RIMBP2: variants seen among roughly 807,000 people sequenced by gnomAD.
The protein encoded by RIMBP2 is RIMS-binding protein 2.
RIMBP2 carries 48 observed loss-of-function variants against 118.6 expected under a neutral mutation model. That is an observed-to-expected ratio of 0.40 (90% confidence interval 0.32 to 0.51). The LOEUF is 0.51. Ranked by LOEUF, RIMBP2 falls within the 20% of genes least tolerant of loss-of-function variation. The pLI is 0.41. For missense variants in RIMBP2, 1,551 were observed against 1,768.3 expected, an observed-to-expected ratio of 0.88 and a Z score of 2.20; for synonymous variants, 762 against 742.9, an observed-to-expected ratio of 1.03 and a Z score of -0.42.
At chr12:130,634,452 C>G (rs1244767984) in intron 1 of RIMBP2, among the ~76,000 whole-genome samples, 2 of 152,190 alleles carry the variant, frequency 1.3e-5, no homozygotes, top group Non-Finnish European at 2.9e-5. Context: ...CAATTAGCCT[C>G]AGGCAGGTTA....
chr12:130,476,019 T>C (rs1229317678), intron 5 of RIMBP2, among the ~76,000 whole-genome samples: 1 of 152,044 alleles, frequency 6.6e-6, no homozygotes, highest in Non-Finnish European at 1.5e-5. Context: ...CATGCATCTA[T>C]GTGAGGTCAT....
At chr12:130,499,549 C>T (rs1315523862) in intron 4 of RIMBP2, among the ~76,000 whole-genome samples, 3 of 152,032 alleles carry the variant, frequency 2.0e-5, no homozygotes, top group East Asian at 3.8e-4. Context: ...CCTCATCTGA[C>T]CTCATCTTCT....
At chr12:130,439,618 GGTGTGTGGGGGTGTCTGTGGGT>G (rs2077897105) in intron 11 of RIMBP2, among the ~76,000 whole-genome samples, 2 of 87,744 alleles carry the variant, frequency 2.3e-5, no homozygotes, top group Admixed American at 1.4e-4. Context: ...TGTGTATGTG[GGTGTGTGGGGGTGTCTGTGGGT>G]GTGTGTGGGG....
intron 4 of RIMBP2, among the ~76,000 whole-genome samples, chr12:130,483,821 C>T (rs1164352869): frequency 1.4e-5 from 2 of 144,580 alleles, no homozygotes; most frequent in East Asian, 2.1e-4. Context: ...ATACGGTGCC[C>T]GGAGCCCCGA....
chr12:130,456,351 T>C (rs1593367502), intron 7 of RIMBP2, 145 bp downstream of exon 7: 1 of 667,858 alleles, frequency 1.5e-6, no homozygotes, highest in Non-Finnish European at 2.5e-6. Context: ...TGAGCAGCCC[T>C]GTTCTCATCC....
intron 4 of RIMBP2, among the ~76,000 whole-genome samples, chr12:130,479,853 G>A (rs2081803491): frequency 6.6e-6 from 1 of 151,626 alleles, no homozygotes; most frequent in South Asian, 2.1e-4. Context: ...GAGGGGCGGT[G>A]CTTAATCCCC....
rs1007211525 is a variant in RIMBP2, at chr12:130,424,645, C to T, written c.2626G>A (p.Asp876Asn). Residue 876 changes from aspartate to asparagine, a missense_variant, in exon 16 of 23, where the codon GAC (aspartate) becomes AAC (asparagine). Coordinates refer to ENST00000690449, the MANE Select transcript of RIMBP2 (RefSeq NM_001393629.1). This position sits in a 1 kb window ranked among gnomAD's most constrained non-coding sequence, Gnocchi z 9.8. ...AACCAGGAGCCCCGAGGGGCCTCGT[C>T]GCCCCTGTAGGGCCTGCCGGGCCTG... ...EPRPGRPYRG[D>N]EAPRGSWFPV... The T allele has an allele frequency of 1.5e-5, 19 of 1,231,774 alleles. No individual in the cohort carries two copies. Among genetic ancestry groups the T allele is most frequent in the Middle Eastern group, 6.2e-4 (2 of 3,232 alleles). 76.3% of individuals were successfully genotyped at this position (1,231,774 alleles called of 1,614,324 possible). A position where few individuals can be genotyped will look rare whatever the true frequency, so the allele number is the denominator to read the frequency against.
chr12:130,644,419 C>G (rs2062757658), intron 1 of RIMBP2, among the ~76,000 whole-genome samples: 1 of 152,222 alleles, frequency 6.6e-6, no homozygotes, highest in African/African-American at 2.4e-5. Context: ...ATTTAAAATA[C>G]AATCGCACAT....
intron 2 of RIMBP2, among the ~76,000 whole-genome samples, chr12:130,544,762 G>C (rs963929054): frequency 6.6e-6 from 1 of 151,800 alleles, no homozygotes; most frequent in Non-Finnish European, 1.5e-5. Context: ...ACCACACCCC[G>C]CTATTTTTTT....
intron 4 of RIMBP2, among the ~76,000 whole-genome samples, chr12:130,504,169 C>A (rs1408799489): frequency 6.6e-6 from 1 of 152,208 alleles, no homozygotes; most frequent in Non-Finnish European, 1.5e-5. Context: ...AAAACTACAT[C>A]CCGTTCACAA....
At chr12:130,556,146 A>G (rs1475366037) in intron 2 of RIMBP2, among the ~76,000 whole-genome samples, 1 of 152,168 alleles carries the variant, frequency 6.6e-6, no homozygotes, top group South Asian at 2.1e-4. Context: ...CGTGTTTTCA[A>G]TGCAGAGTTT....
intron 1 of RIMBP2, among the ~76,000 whole-genome samples, chr12:130,657,385 A>C (rs928551207): frequency 6.6e-6 from 1 of 152,228 alleles, no homozygotes; most frequent in Non-Finnish European, 1.5e-5. Context: ...GCCAGGAAAT[A>C]AAGCAGAGAT....
chr12:130,464,164 G>T (rs984942335), intron 6 of RIMBP2, among the ~76,000 whole-genome samples: 1 of 152,084 alleles, frequency 6.6e-6, no homozygotes, highest in African/African-American at 2.4e-5. Flanking sequence ...CTGCTGCTCT[G>T]CCTATGGAGT....
chr12:130,602,970 T>C (rs900441689), intron 2 of RIMBP2, among the ~76,000 whole-genome samples: 4 of 151,848 alleles, frequency 2.6e-5, no homozygotes, highest in Non-Finnish European at 5.9e-5. Flanking sequence ...AGAGATGAGG[T>C]TTTCAGTTGC....
chr12:130,644,321 T>G (rs67926768), intron 1 of RIMBP2, among the ~76,000 whole-genome samples: 1 of 152,136 alleles, frequency 6.6e-6, no homozygotes, highest in African/African-American at 2.4e-5. Flanking sequence ...TTAGCTTTCA[T>G]GAGCTGCTCA....
chr12:130,647,488 C>G (rs1338813125), intron 1 of RIMBP2, among the ~76,000 whole-genome samples: 1 of 113,774 alleles, frequency 8.8e-6, no homozygotes, highest in Admixed American at 8.9e-5. Flanking sequence ...GGTTGTTTTT[C>G]AGAAACCCAG....
At chr12:130,495,091 C>G (rs2049018963) in intron 4 of RIMBP2, among the ~76,000 whole-genome samples, 1 of 152,232 alleles carries the variant, frequency 6.6e-6, no homozygotes, top group South Asian at 2.1e-4. Context: ...AGGGCCTGCC[C>G]TACTCCAAGA....
intron 2 of RIMBP2, among the ~76,000 whole-genome samples, chr12:130,586,828 G>C (rs1426898015): frequency 2.1e-5 from 2 of 97,190 alleles, no homozygotes; most frequent in African/African-American, 8.1e-5. Context: ...ATTGACAAAT[G>C]GGATCTAATT....
chr12:130,502,135 C>T (rs1220486890), intron 4 of RIMBP2, among the ~76,000 whole-genome samples: 3 of 152,172 alleles, frequency 2.0e-5, no homozygotes, highest in East Asian at 1.9e-4. Context: ...GCAGTCACCC[C>T]AGCCCAACCA....
Sources: allele counts gnomAD v4.1 joint callset (sites outside exome capture counted in the v4.1 genomes callset), GRCh38; gene constraint gnomAD v4.1.1; non-coding constraint Gnocchi (gnomAD v3.1); transcripts MANE v1.5; gene names NCBI Gene and HGNC (gene_info 2026-07-23, HGNC 2026-07-21).